Variants in BSN observed in about 807,000 individuals in gnomAD.
BSN encodes the protein bassoon presynaptic cytomatrix protein.
A neutral mutation model predicts 264.8 loss-of-function variants in BSN; 57 were observed. The ratio of observed to expected loss-of-function variants is 0.22; its 90% CI spans 0.17 to 0.27. The LOEUF is 0.27. BSN is among the 10% of genes least tolerant of loss of function. The pLI, the probability that BSN is intolerant of heterozygous loss-of-function variation, is 1.00. For missense variants in BSN, 4,615 were observed against 5,232.5 expected, an observed-to-expected ratio of 0.88 and a Z score of 3.64; for synonymous variants, 2,059 against 2,137.3, an observed-to-expected ratio of 0.96 and a Z score of 1.01.
intron 2 of BSN, among the ~76,000 whole-genome samples, chr3:49,635,937 G>C (rs2052416924): frequency 1.3e-5 from 2 of 150,496 alleles, no homozygotes; most frequent in East Asian, 3.9e-4. Context: ...CATGATCATG[G>C]CACTGCACTT....
rs147800019 is a variant in BSN, at chr3:49,651,008, G to A, written c.1915G>A (p.Val639Met). The change falls in exon 4 of 12, where the codon GTG becomes ATG. Residue 639 changes from valine to methionine, a missense_variant. Transcript: ENST00000296452. The surrounding 1 kb of genome is among the most constrained non-coding windows in gnomAD (Gnocchi z 5.4). Reference sequence around the variant, plus strand: ...TGCGACTCCTAAAGTAAAGAGTGGGGTGAGGAGGGCTGAACCTGCCACCCC... The same window carrying A: ...TGCGACTCCTAAAGTAAAGAGTGGGATGAGGAGGGCTGAACCTGCCACCCC... ...TPATPKVKSG[V>M]RRAEPATPVV... 23 of 1,613,920 alleles carry A rather than the reference G, an allele frequency of 1.4e-5. No individual in the cohort carries two copies. In the African/African-American group the frequency reaches 2.4e-4, roughly 17 times the overall value.
chr3:49,561,745 C>T (rs546352781), intron 1 of BSN, among the ~76,000 whole-genome samples: 31 of 152,100 alleles, frequency 2.0e-4, no homozygotes, highest in Non-Finnish European at 3.8e-4. Flanking sequence ...TACAAGAATG[C>T]AATACATTGG....
At chr3:49,636,022 A>G (rs1473653680) in intron 2 of BSN, among the ~76,000 whole-genome samples, 3 of 151,974 alleles carry the variant, frequency 2.0e-5, no homozygotes, top group African/African-American at 7.3e-5. Flanking sequence ...CCCACTAAGC[A>G]CTTCAAGCGT....
chr3:49,583,005 G>A (rs2051906967), intron 1 of BSN, among the ~76,000 whole-genome samples: 1 of 150,780 alleles, frequency 6.6e-6, no homozygotes. Flanking sequence ...GTCTTGCTCT[G>A]TTCCCAAGGC....
chr3:49,661,998 C>G lies in BSN; in HGVS notation c.10153C>G (p.Leu3385Val). Reference sequence around the variant, plus strand: ...AGAGGCCAAAGACGTAGAGTCAGACCTGGCGTCCTACCCCCCACCTGCAGT... The same window carrying G: ...AGAGGCCAAAGACGTAGAGTCAGACGTGGCGTCCTACCCCCCACCTGCAGT... The part of the protein sequence containing the change: ...IEEAKDVESD[L>V]ASYPPPAVSS... The change falls in exon 6 of 12, where the codon CTG (leucine) becomes GTG (valine). Residue 3385 changes from leucine (L) to valine (V), a missense_variant. Leu to Val is a conservative substitution (Grantham distance 32). Transcript: ENST00000296452. 1 of 1,613,944 alleles carries G rather than the reference C, an allele frequency of 6.2e-7. No homozygotes were observed. Among genetic ancestry groups the G allele is most frequent in the Non-Finnish European group, 8.5e-7 (1 of 1,180,030 alleles).
At position 49,559,078 on chromosome 3, in the gene BSN, C is replaced by G. The variant is rs189355927; in HGVS notation, c.224+4252C>G. Among the ~76,000 whole-genome samples the G allele has an allele frequency of 1.2e-4, 18 of 151,946 alleles. No homozygotes were observed. The East Asian group carries it at 2.3e-3, about 20-fold the overall frequency. The stretch of plus-strand genomic sequence containing the variant: ...AGTAGCTGGTATTACAGGCACCCAC[C>G]ACCAGACCCAGCTAATTTTTGTATT... On this transcript the variant is annotated intron_variant, in intron 1 of 11. Coordinates refer to ENST00000296452, the MANE Select transcript of BSN (RefSeq NM_003458.4).
Position 49,657,411 on chromosome 3 carries a change from A to G in BSN, c.7855A>G (p.Ser2619Gly). Residue 2619 changes from serine to glycine, a missense_variant, in exon 5 of 12, where the codon AGT (serine) becomes GGT (glycine). Physicochemically the swap from Ser to Gly is moderately conservative, Grantham distance 56. Around this residue, in one of 3 missense-constraint regions of BSN, gnomAD observed 3,415 missense variants for 3,866.4 expected, o/e 0.88. Coordinates refer to ENST00000296452, the MANE Select transcript of BSN (RefSeq NM_003458.4). ...DCSVQTDDED[S>G]AEWEQPVRRR... ...CAGTGTGCAGACGGACGACGAAGACAGTGCTGAGTGGGAGCAGCCAGTGCG... is the reference window on the plus strand; with the variant it reads ...CAGTGTGCAGACGGACGACGAAGACGGTGCTGAGTGGGAGCAGCCAGTGCG... The G allele has an allele frequency of 1.2e-6, 2 of 1,613,158 alleles. No individual in the cohort carries two copies. Among genetic ancestry groups the G allele is most frequent in the Non-Finnish European group, 1.7e-6 (2 of 1,179,984 alleles).
At chr3:49,600,224 C>T (rs990968322) in intron 1 of BSN, among the ~76,000 whole-genome samples, 2 of 152,168 alleles carry the variant, frequency 1.3e-5, no homozygotes, top group Admixed American at 6.6e-5. Context: ...CTTGAAGAAC[C>T]AGGCCTTGAG....
At chr3:49,589,844 G>GTTT (rs36106925) in intron 1 of BSN, among the ~76,000 whole-genome samples, 1 of 125,462 alleles carries the variant, frequency 8.0e-6, no homozygotes, top group Non-Finnish European at 1.7e-5. Context: ...CTTTTTCTTT[G>GTTT]TTTTTTTTTT....
At chr3:49,583,913 G>A (rs186341489) in intron 1 of BSN, among the ~76,000 whole-genome samples, 8 of 152,052 alleles carry the variant, frequency 5.3e-5, no homozygotes, top group Admixed American at 1.3e-4. Context: ...TCGCACTGTC[G>A]CCCAGGCTGG....
At position 49,655,021 on chromosome 3, in the gene BSN, G is replaced by T; in HGVS notation, c.5465G>T (p.Gly1822Val). 6.2e-7 allele frequency: 1 copy of T among 1,613,202 alleles called. No individual in the cohort carries two copies. Among genetic ancestry groups the T allele is most frequent in the Non-Finnish European group, 8.5e-7 (1 of 1,180,026 alleles). The change falls in exon 5 of 12, where the codon GGC (glycine) becomes GTC (valine). Residue 1822 changes from glycine (G) to valine (V), a missense_variant. Transcript: ENST00000296452. ...ARRDVLITQM[G>V]TAQSIGLKPG... ...AGAGACGTTTTGATCACTCAGATGGGCACCGCCCAGAGCATTGGCCTCAAG... is the reference window on the plus strand; with the variant it reads ...AGAGACGTTTTGATCACTCAGATGGTCACCGCCCAGAGCATTGGCCTCAAG...
At chr3:49,568,723 C>G (rs1403908351) in intron 1 of BSN, among the ~76,000 whole-genome samples, 7 of 152,208 alleles carry the variant, frequency 4.6e-5, no homozygotes, top group Non-Finnish European at 5.9e-5. Flanking sequence ...TGTGTCCAGT[C>G]TTTTGCTCTT....
In BSN at chr3:49,652,715, T is replaced by C; in HGVS notation, c.3159T>C (p.Leu1053=). 1 of 1,568,454 alleles carries C rather than the reference T, an allele frequency of 6.4e-7. No individual in the cohort carries two copies. Residue 1053 remains leucine, a synonymous_variant, in exon 5 of 12, where the codon CTT becomes CTC. Coordinates refer to ENST00000296452, the MANE Select transcript of BSN (RefSeq NM_003458.4). ...AGCTGCGGGAGGAAGAGGAGCTGCT[T>C]CGTGAGCAAGAGAAGATGCGGGAGG... The part of the protein sequence containing the change: ...EEELREEEEL[L]REQEKMREVE...
chr3:49,610,955 C>T (rs1006383788), intron 1 of BSN, among the ~76,000 whole-genome samples: 4 of 152,168 alleles, frequency 2.6e-5, no homozygotes, highest in Admixed American at 1.3e-4. Flanking sequence ...GTGCCTAGAG[C>T]AGGGCTGAGT....
intron 1 of BSN, among the ~76,000 whole-genome samples, chr3:49,570,195 C>G (rs2051784900): frequency 6.6e-6 from 1 of 152,148 alleles, no homozygotes; most frequent in Admixed American, 6.5e-5. Context: ...CACTGATTGC[C>G]TGGCAGCCTA....
Position 49,663,836 on chromosome 3 carries a change from A to C in BSN, c.11558A>C (p.Gln3853Pro). Residue 3853 changes from glutamine (Q) to proline (P), a missense_variant, in exon 8 of 12, where the codon CAA becomes CCA. Physicochemically the swap from Gln to Pro is moderately conservative, Grantham distance 76. This residue lies in a region of BSN where 3,415 missense variants were observed against 3,866.4 expected (regional missense o/e 0.88). Coordinates refer to ENST00000296452, the MANE Select transcript of BSN (RefSeq NM_003458.4). Reference sequence around the variant, plus strand: ...TCTAAAGGGACAGCCAAAGCACCGCAACAGGGGAGGGCTCCTCAGGCCCAG... The same window carrying C: ...TCTAAAGGGACAGCCAAAGCACCGCCACAGGGGAGGGCTCCTCAGGCCCAG... ...NGSKGTAKAP[Q>P]QGRAPQAQPA... 1 of 1,614,094 alleles carries C rather than the reference A, an allele frequency of 6.2e-7. No homozygotes were observed. The highest frequency in any genetic ancestry group is 8.5e-7 in the Non-Finnish European group (1 of 1,180,010).
chr3:49,643,238 C>A, intron 3 of BSN, 86 bp downstream of exon 3: 1 of 1,499,922 alleles, frequency 6.7e-7, no homozygotes, highest in South Asian at 1.4e-5. Flanking sequence ...AGAAAGAGTT[C>A]TGGGTCTGCA....
chr3:49,563,463 G>A (rs973591579), intron 1 of BSN, among the ~76,000 whole-genome samples: 1 of 152,222 alleles, frequency 6.6e-6, no homozygotes, highest in Non-Finnish European at 1.5e-5. Context: ...GTTGGCAAAC[G>A]CTTTGTGATG....
intron 1 of BSN, among the ~76,000 whole-genome samples, chr3:49,588,661 T>G (rs1345191765): frequency 1.3e-5 from 2 of 152,218 alleles, no homozygotes; most frequent in Non-Finnish European, 2.9e-5. Flanking sequence ...CTTTAAAATT[T>G]CTTTTGTGAT....
Sources: gnomAD v4.1 joint callset for allele counts (sites outside exome capture counted in the v4.1 genomes callset) on GRCh38, gnomAD v4.1.1 for gene constraint, gnomAD v4.1.1 regional missense constraint, Gnocchi (gnomAD v3.1) non-coding constraint, MANE v1.5 for transcripts, NCBI Gene and HGNC (gene_info 2026-07-23, HGNC 2026-07-21) for gene names.